The following MAML2 variants were observed in gnomAD, a reference collection of about 807,000 sequenced individuals.
The protein encoded by MAML2 is mastermind like transcriptional coactivator 2.
In MAML2, 22 loss-of-function variants were observed where a neutral mutation model predicts 96.1. The ratio of observed to expected loss-of-function variants is 0.23; its 90% confidence interval spans 0.16 to 0.33. The LOEUF is 0.33. MAML2 is among the 10% of genes least tolerant of loss of function. The pLI, the probability that MAML2 is intolerant of heterozygous loss-of-function variation, is 1.00. For missense variants in MAML2, 1,367 were observed against 1,392.4 expected (o/e 0.98, Z 0.29); for synonymous variants, 561 against 521.3 (o/e 1.08, Z -1.04).
intron 1 of MAML2, among the ~76,000 whole-genome samples, chr11:96,273,096 C>T (rs939496999): frequency 6.6e-6 from 1 of 152,064 alleles, no homozygotes; most frequent in Non-Finnish European, 1.5e-5. Flanking sequence ...CTACGTAATG[C>T]TGATCACATT....
intron 1 of MAML2, among the ~76,000 whole-genome samples, chr11:96,181,893 C>A (rs567501750): frequency 6.6e-6 from 1 of 152,304 alleles, no homozygotes; most frequent in East Asian, 1.9e-4. Flanking sequence ...TATAATATCA[C>A]AACCACTATC....
At chr11:96,056,918 G>C (rs1859079168) in intron 2 of MAML2, among the ~76,000 whole-genome samples, 1 of 152,176 alleles carries the variant, frequency 6.6e-6, no homozygotes, top group East Asian at 1.9e-4. Context: ...GCAAGAGGAT[G>C]TTAATTGTAT....
intron 2 of MAML2, among the ~76,000 whole-genome samples, chr11:96,005,622 T>A (rs1467909598): frequency 1.3e-5 from 2 of 152,210 alleles, no homozygotes; most frequent in African/African-American, 4.8e-5. Flanking sequence ...AAGGTGGTTG[T>A]CTTCTGATGA....
In MAML2 at chr11:96,174,381, C is replaced by A. The variant is rs578062557; in HGVS notation, c.514-80864G>T. On this transcript the variant is annotated intron_variant, in intron 1 of 4. Transcript: ENST00000524717. The stretch of plus-strand genomic sequence containing the variant: ...GCCAACATTTAGACATTACCTATTT[C>A]ACTTTATTTTATTTTATTTTGAGAT... 7.9e-5 allele frequency among the ~76,000 whole-genome samples: 12 copies of A among 152,230 alleles called. No individual in the cohort carries two copies. In the East Asian group the frequency reaches 1.5e-3, roughly 20 times the overall value.
chr11:96,059,746 A>ATT (rs1344697921), intron 2 of MAML2, among the ~76,000 whole-genome samples: 1 of 152,192 alleles, frequency 6.6e-6, no homozygotes, highest in Non-Finnish European at 1.5e-5. Context: ...ATCTTGAAGC[A>ATT]TTTTGAATTT....
intron 1 of MAML2, among the ~76,000 whole-genome samples, chr11:96,281,804 A>G (rs1200573102): frequency 1.3e-5 from 2 of 152,100 alleles, no homozygotes; most frequent in Admixed American, 6.6e-5. Context: ...AGGGAGGTCA[A>G]AGCTACAGTG....
At chr11:96,340,238 T>C (rs980268525) in intron 1 of MAML2, among the ~76,000 whole-genome samples, 3 of 152,184 alleles carry the variant, frequency 2.0e-5, no homozygotes, top group Non-Finnish European at 4.4e-5. Flanking sequence ...TTAGACACAA[T>C]AGCACCATCT....
intron 2 of MAML2, among the ~76,000 whole-genome samples, chr11:96,053,259 G>A (rs948066761): frequency 6.6e-6 from 1 of 152,118 alleles, no homozygotes; most frequent in Non-Finnish European, 1.5e-5. Flanking sequence ...TAAAATGTCT[G>A]ACTCAATGAA....
intron 1 of MAML2, among the ~76,000 whole-genome samples, chr11:96,319,164 T>C (rs1207781408): frequency 6.6e-6 from 1 of 152,210 alleles, no homozygotes; most frequent in Non-Finnish European, 1.5e-5. Flanking sequence ...AGCAAGGAAC[T>C]GAGGCCTCCG....
intron 2 of MAML2, among the ~76,000 whole-genome samples, chr11:96,014,711 C>T (rs929039092): frequency 2.0e-5 from 3 of 152,222 alleles, no homozygotes; most frequent in African/African-American, 7.2e-5. Flanking sequence ...TATCCTCTTT[C>T]TCTAATTTGA....
At chr11:96,046,073 G>A (rs1858896348) in intron 2 of MAML2, among the ~76,000 whole-genome samples, 1 of 152,168 alleles carries the variant, frequency 6.6e-6, no homozygotes, top group Non-Finnish European at 1.5e-5. Context: ...TGCCATGCCA[G>A]CAGGCAGCGC....
intron 1 of MAML2, among the ~76,000 whole-genome samples, chr11:96,103,004 A>C (rs1255588890): frequency 1.3e-5 from 2 of 152,186 alleles, no homozygotes; most frequent in African/African-American, 4.8e-5. Context: ...AGTATCATTA[A>C]TCAAGTGGCT....
chr11:96,073,025 G>A (rs1215523593), intron 2 of MAML2, among the ~76,000 whole-genome samples: 2 of 151,966 alleles, frequency 1.3e-5, no homozygotes, highest in Non-Finnish European at 2.9e-5. Context: ...CAATCTGTGA[G>A]GACTTAAAAA....
intron 1 of MAML2, among the ~76,000 whole-genome samples, chr11:96,130,415 G>A (rs1860526766): frequency 6.6e-6 from 1 of 152,132 alleles, no homozygotes; most frequent in South Asian, 2.1e-4. Flanking sequence ...CAATCTTCCA[G>A]TTGGCAAGAA....
In MAML2 at chr11:95,978,690, T is replaced by C. The variant is rs1591073973; in HGVS notation, c.*258A>G. The C allele has an allele frequency of 9.2e-6, 4 of 437,060 alleles. No homozygotes were observed. Among genetic ancestry groups the C allele is most frequent in the East Asian group, 7.5e-5 (2 of 26,756 alleles). 27.1% of individuals were successfully genotyped at this position (437,060 alleles called of 1,614,324 possible). On this transcript the variant is annotated 3_prime_UTR_variant, in exon 5 of 5. Transcript: ENST00000524717. Reference sequence around the variant, plus strand: ...ATTAATTACACATTGACACCACAGTTCTGTTTGGATAAATTGGATACTGTA... The same window carrying C: ...ATTAATTACACATTGACACCACAGTCCTGTTTGGATAAATTGGATACTGTA...
chr11:96,082,392 G>C (rs11822591), intron 2 of MAML2, among the ~76,000 whole-genome samples: 1 of 152,148 alleles, frequency 6.6e-6, no homozygotes, highest in Non-Finnish European at 1.5e-5. Context: ...AACTAACTTT[G>C]TTTCATGAAA....
chr11:96,290,526 A>C (rs1189967669), intron 1 of MAML2, among the ~76,000 whole-genome samples: 5 of 152,252 alleles, frequency 3.3e-5, no homozygotes, highest in Admixed American at 1.3e-4. Context: ...GAGACAATCA[A>C]GATTTCAAGA....
chr11:96,160,337 C>T (rs1238966703), intron 1 of MAML2, among the ~76,000 whole-genome samples: 3 of 152,092 alleles, frequency 2.0e-5, no homozygotes, highest in South Asian at 2.1e-4. Flanking sequence ...AATGGGCTTC[C>T]GAATCAGAAA....
At chr11:96,294,317 T>TA (rs71040140) in intron 1 of MAML2, among the ~76,000 whole-genome samples, 7,456 of 146,742 alleles carry the variant, frequency 0.051, 227 homozygotes, top group South Asian at 0.07. Flanking sequence ...TAACCCATTG[T>TA]AAAAAAAAAA....
Sources: gnomAD v4.1 joint callset for allele counts (sites outside exome capture counted in the v4.1 genomes callset) on GRCh38, gnomAD v4.1.1 for gene constraint, MANE v1.5 for transcripts, NCBI Gene and HGNC (gene_info 2026-07-23, HGNC 2026-07-21) for gene names.